SETMAR: variants seen among roughly 807,000 people sequenced by gnomAD.
The protein encoded by SETMAR is histone-lysine N-methyltransferase SETMAR.
A neutral mutation model predicts 58.4 loss-of-function variants in SETMAR; 44 were observed. That is an observed-to-expected ratio of 0.75 (90% CI 0.59 to 0.97). The LOEUF is 0.97. Ranked by LOEUF, SETMAR falls within the 50% of genes least tolerant of loss-of-function variation. The probability of loss-of-function intolerance (pLI) is 0.00; values close to 1 mark genes in which losing one functional copy is unlikely to be tolerated. For missense variants in SETMAR, 903 were observed against 840.2 expected, an observed-to-expected ratio of 1.07 and a Z score of -0.92; for synonymous variants, 332 against 307.4, an observed-to-expected ratio of 1.08 and a Z score of -0.84.
At chr3:4,314,567 TTTTTCA>T (rs3840222) in intron 2 of SETMAR, among the ~76,000 whole-genome samples, 68,687 of 151,432 alleles carry the variant, frequency 0.45, 19,127 homozygotes, top group African/African-American at 0.8. Context: ...ACATTGTAAA[TTTTTCA>T]TTTTCATTAT....
At chr3:4,309,622 C>T (rs553130410) in intron 1 of SETMAR, among the ~76,000 whole-genome samples, 2 of 152,304 alleles carry the variant, frequency 1.3e-5, no homozygotes, top group African/African-American at 2.4e-5. Context: ...TTCCCACCAC[C>T]TTCCCCCTTC....
intron 1 of SETMAR, among the ~76,000 whole-genome samples, chr3:4,308,021 C>T (rs1032519785): frequency 2.0e-5 from 3 of 151,442 alleles, no homozygotes; most frequent in South Asian, 4.2e-4. Flanking sequence ...TGGGCAGCAA[C>T]GTCTTAAAAA....
chr3:4,303,376 C>A lies in SETMAR; in HGVS notation c.6C>A (p.Phe2Leu), dbSNP rs1447865017. The A allele has an allele frequency of 2.4e-5, 37 of 1,547,744 alleles. No homozygotes were observed. Among genetic ancestry groups the A allele is most frequent in the Non-Finnish European group, 3.1e-5 (36 of 1,151,128 alleles). The change falls in exon 1 of 3, where the codon TTC becomes TTA. Residue 2 changes from phenylalanine (F) to leucine (L), a missense_variant. By Grantham distance (22) the Phe-to-Leu change is conservative. Coordinates refer to ENST00000358065, the MANE Select transcript of SETMAR (RefSeq NM_006515.4). The stretch of plus-strand genomic sequence containing the variant: ...GCGTTGCGTGAGGCGGGTAAATGTT[C>A]GCGGAAGCGGCAAAGACGACACGGC... The part of the protein sequence containing the change: M[F>L]AEAAKTTRPC...
chr3:4,303,976 G>T (rs745355568), intron 1 of SETMAR: 6 of 710,794 alleles, frequency 8.4e-6, no homozygotes, highest in African/African-American at 1.9e-5. Context: ...TGGGCTCTTG[G>T]GCGAGTGTAA....
chr3:4,312,313 A>G (rs1698437307), intron 1 of SETMAR, among the ~76,000 whole-genome samples: 1 of 152,184 alleles, frequency 6.6e-6, no homozygotes, highest in Non-Finnish European at 1.5e-5. Context: ...GTACTCAGAC[A>G]CTAAATTCAG....
intron 1 of SETMAR, among the ~76,000 whole-genome samples, chr3:4,311,431 C>T (rs544652056): frequency 4.3e-4 from 65 of 152,320 alleles, no homozygotes; most frequent in South Asian, 1.2e-3. Context: ...TGCTCTTACC[C>T]GACTGTGCTG....
chr3:4,313,217 T>C lies in SETMAR; in HGVS notation c.476T>C (p.Ile159Thr). Residue 159 changes from isoleucine (I) to threonine (T), a missense_variant, in exon 2 of 3, where the codon ATA (isoleucine) becomes ACA (threonine). Transcript: ENST00000358065. ...KGWGLRTLEF[I>T]PKGRFVCEYA... ...TGGGGACTTCGTACCTTGGAATTTA[T>C]ACCGAAAGGAAGGTTTGTCTGTGAA... 6.2e-7 allele frequency: 1 copy of C among 1,613,976 alleles called. No homozygotes were observed. Among genetic ancestry groups the C allele is most frequent in the South Asian group, 1.1e-5 (1 of 91,076 alleles).
In SETMAR at chr3:4,303,395, A is replaced by C; in HGVS notation, c.25A>C (p.Thr9Pro). 6.4e-7 allele frequency: 1 copy of C among 1,559,870 alleles called. No homozygotes were observed. The highest frequency in any genetic ancestry group is 1.2e-5 in the South Asian group (1 of 83,244). MFAEAAKT[T>P]RPCGMAEFKE... ...AATGTTCGCGGAAGCGGCAAAGACG[A>C]CACGGCCTTGTGGGATGGCGGAGTT... Residue 9 changes from threonine to proline, a missense_variant, in exon 1 of 3, where the codon ACA (threonine) becomes CCA (proline). Coordinates refer to ENST00000358065, the MANE Select transcript of SETMAR (RefSeq NM_006515.4).
intron 1 of SETMAR, among the ~76,000 whole-genome samples, chr3:4,304,855 TC>T (rs893369558): frequency 1.3e-5 from 2 of 152,004 alleles, no homozygotes; most frequent in Admixed American, 1.3e-4. Flanking sequence ...AGAACATGTG[TC>T]CCAGGTGGTT....
chr3:4,308,195 G>C (rs2125083206), intron 1 of SETMAR, among the ~76,000 whole-genome samples: 1 of 152,302 alleles, frequency 6.6e-6, no homozygotes, highest in East Asian at 1.9e-4. Context: ...TGGAGGAAAG[G>C]TATACAGTCC....
chr3:4,316,918 C>T lies in SETMAR; in HGVS notation c.1727C>T (p.Ala576Val). 2 of 1,549,384 alleles carry T rather than the reference C, an allele frequency of 1.3e-6. No homozygotes were observed. Among genetic ancestry groups the T allele is most frequent in the Non-Finnish European group, 8.7e-7 (1 of 1,146,740 alleles). ...MNQKLQRLQLALVNRKGPILL... is the reference protein window; with the variant it reads ...MNQKLQRLQLVLVNRKGPILL... ...CAAAAACTGCAACGCCTGCAGCTGG[C>T]ATTGGTCAACAGAAAGGGCCCAATT... The change falls in exon 3 of 3, where the codon GCA becomes GTA. Residue 576 changes from alanine to valine, a missense_variant. Coordinates refer to ENST00000358065, the MANE Select transcript of SETMAR (RefSeq NM_006515.4).
At position 4,316,880 on chromosome 3, in the gene SETMAR, C is replaced by T. The variant is rs780585765; in HGVS notation, c.1689C>T (p.Ile563=). ...CATCTGAGAAGTATGCTCAGGAAAT[C>T]GATGAGATGAACCAAAAACTGCAAC... ...TITSEKYAQE[I]DEMNQKLQRL... The change falls in exon 3 of 3, where the codon ATC becomes ATT. Residue 563 remains isoleucine, a synonymous_variant. Transcript: ENST00000358065. The T allele has an allele frequency of 3.7e-5, 58 of 1,549,242 alleles. No homozygotes were observed. Among genetic ancestry groups the T allele is most frequent in the Admixed American group, 7.8e-5 (4 of 50,972 alleles).
chr3:4,313,481 T>C lies in SETMAR; in HGVS notation c.740T>C (p.Phe247Ser), dbSNP rs1383692312. 6.2e-7 allele frequency: 1 copy of C among 1,614,008 alleles called. No homozygotes were observed. The highest frequency in any genetic ancestry group is 1.1e-5 in the South Asian group (1 of 91,068). Residue 247 changes from phenylalanine (F) to serine (S), a missense_variant, in exon 2 of 3, where the codon TTT becomes TCT. Phe to Ser is a radical substitution (Grantham distance 155). Coordinates refer to ENST00000358065, the MANE Select transcript of SETMAR (RefSeq NM_006515.4). The stretch of plus-strand genomic sequence containing the variant: ...TCAATGGTACCTAAGTTGGCACTTT[T>C]TGCAGCCAAAGATATTGTGCCAGAA... ...IDSMVPKLAL[F>S]AAKDIVPEEE...
At position 4,316,725 on chromosome 3, in the gene SETMAR, T is replaced by C. The variant is rs1414327766; in HGVS notation, c.1534T>C (p.Leu512=). 5.8e-6 allele frequency: 9 copies of C among 1,550,886 alleles called. No individual in the cohort carries two copies. The highest frequency in any genetic ancestry group is 4.9e-5 in the East Asian group (2 of 40,916). ...YDNRRRSAQW[L]DQEEAPKHFP... Reference sequence around the variant, plus strand: ...CAACCGGCGACGATCAGCTCAGTGGTTGGATCAAGAAGAAGCTCCAAAGCA... The same window carrying C: ...CAACCGGCGACGATCAGCTCAGTGGCTGGATCAAGAAGAAGCTCCAAAGCA... Residue 512 remains leucine (L), a synonymous_variant, in exon 3 of 3, where the codon TTG becomes CTG. Transcript: ENST00000358065.
intron 1 of SETMAR, among the ~76,000 whole-genome samples, chr3:4,305,554 ATG>A (rs1340896846): frequency 6.6e-6 from 1 of 152,214 alleles, no homozygotes; most frequent in Non-Finnish European, 1.5e-5. Context: ...TCTCTATAGA[ATG>A]TGGATTTTTC....
chr3:4,310,113 T>C (rs1559215472), intron 1 of SETMAR, among the ~76,000 whole-genome samples: 1 of 152,122 alleles, frequency 6.6e-6, no homozygotes, highest in African/African-American at 2.4e-5. Flanking sequence ...ACAGCAAAAA[T>C]ACTGTATTCT....
At chr3:4,307,904 C>T (rs1575074580) in intron 1 of SETMAR, among the ~76,000 whole-genome samples, 1 of 152,098 alleles carries the variant, frequency 6.6e-6, no homozygotes, top group African/African-American at 2.4e-5. Flanking sequence ...TTTAAATTAA[C>T]CAGACATGGT....
chr3:4,316,906 G>C lies in SETMAR; in HGVS notation c.1715G>C (p.Arg572Pro). Residue 572 changes from arginine to proline, a missense_variant, in exon 3 of 3, where the codon CGC becomes CCC. Arg to Pro is a moderately radical substitution (Grantham distance 103). Coordinates refer to ENST00000358065, the MANE Select transcript of SETMAR (RefSeq NM_006515.4). ...GATGAGATGAACCAAAAACTGCAAC[G>C]CCTGCAGCTGGCATTGGTCAACAGA... ...EIDEMNQKLQ[R>P]LQLALVNRKG... is the part of the protein sequence containing the mutation. 1 of 1,549,378 alleles carries C rather than the reference G, an allele frequency of 6.5e-7. No individual in the cohort carries two copies. Among genetic ancestry groups the C allele is most frequent in the South Asian group, 1.2e-5 (1 of 83,960 alleles).
rs150806345 is a variant in SETMAR at position 4,313,266 on chromosome 3, C to T, written c.525C>T (p.Phe175=). The T allele has an allele frequency of 6.2e-7, 1 of 1,613,824 alleles. No homozygotes were observed. The highest frequency in any genetic ancestry group is 1.3e-5 in the African/African-American group (1 of 74,902). ...AATATGCTGGTGAGGTTTTAGGATT[C>T]TCTGAAGTTCAGAGAAGAATTCACT... is the stretch of plus-strand genomic sequence containing the variant. The part of the protein sequence containing the change: ...VCEYAGEVLG[F]SEVQRRIHLQ... The change falls in exon 2 of 3, where the codon TTC becomes TTT. Residue 175 remains phenylalanine, a synonymous_variant. Coordinates refer to ENST00000358065, the MANE Select transcript of SETMAR (RefSeq NM_006515.4).
Sources: allele counts gnomAD v4.1 joint callset (sites outside exome capture counted in the v4.1 genomes callset), GRCh38; gene constraint gnomAD v4.1.1; transcripts MANE v1.5; gene names NCBI Gene and HGNC (gene_info 2026-07-23, HGNC 2026-07-21).